DENND1A: variants seen among roughly 807,000 people sequenced by gnomAD.
DENND1A encodes the protein DENN domain containing 1A.
Under a neutral mutation model 113.7 loss-of-function variants are expected in DENND1A, and 51 were observed. That is an observed-to-expected ratio of 0.45 (90% CI 0.36 to 0.57). The LOEUF (loss-of-function observed/expected upper bound fraction) is 0.57. Among genes scored for constraint, DENND1A ranks in the 20% least tolerant of loss-of-function variants. The pLI, the probability that DENND1A is intolerant of heterozygous loss-of-function variation, is 0.00. For missense variants in DENND1A, 1,258 were observed against 1,395.9 expected, an observed-to-expected ratio of 0.90 and a Z score of 1.57; for synonymous variants, 565 against 570.8, an observed-to-expected ratio of 0.99 and a Z score of 0.14.
At position 123,860,918 on chromosome 9, in the gene DENND1A, T is replaced by C. The variant is rs188783089; in HGVS notation, c.88+18033A>G. 5.9e-5 allele frequency among the ~76,000 whole-genome samples: 9 copies of C among 152,336 alleles called. No individual in the cohort carries two copies. The East Asian group carries it at 1.5e-3, about 26-fold the overall frequency. On this transcript the variant is annotated intron_variant, in intron 2 of 23. Transcript: ENST00000394215. ...GTTTTGTGGAAAACATCAATAACAT[T>C]TACAAAAAGCTCTTAAATCTTTAGT... is the stretch of plus-strand genomic sequence containing the variant.
chr9:123,876,953 T>A (rs1847562364), intron 2 of DENND1A, among the ~76,000 whole-genome samples: 1 of 152,014 alleles, frequency 6.6e-6, no homozygotes, highest in Non-Finnish European at 1.5e-5. Context: ...AAATAGAAAG[T>A]CAAATACAGC....
At chr9:123,735,005 G>A (rs1337427383) in intron 5 of DENND1A, among the ~76,000 whole-genome samples, 1 of 152,120 alleles carries the variant, frequency 6.6e-6, no homozygotes, top group Non-Finnish European at 1.5e-5. Context: ...GATGGAGAAG[G>A]AGAAGCCAGA....
intron 21 of DENND1A, among the ~76,000 whole-genome samples, chr9:123,390,324 C>A (rs566181345): frequency 4.6e-5 from 7 of 152,380 alleles, no homozygotes; most frequent in Admixed American, 3.3e-4. Context: ...ACACTGTCCC[C>A]TTTCCCCAGA....
intron 9 of DENND1A, among the ~76,000 whole-genome samples, chr9:123,642,125 C>G (rs2062062452): frequency 6.6e-6 from 1 of 152,198 alleles, no homozygotes; most frequent in African/African-American, 2.4e-5. Flanking sequence ...TACAGAGTCT[C>G]TATGGTATCT....
intron 13 of DENND1A, among the ~76,000 whole-genome samples, chr9:123,502,451 AC>A (rs1389348937): frequency 1.3e-5 from 2 of 152,206 alleles, no homozygotes; most frequent in African/African-American, 4.8e-5. Flanking sequence ...TTAGTGATGA[AC>A]ATATGCTTAT....
At chr9:123,835,765 GT>G (rs1220681954) in intron 2 of DENND1A, among the ~76,000 whole-genome samples, 2 of 151,822 alleles carry the variant, frequency 1.3e-5, no homozygotes, top group African/African-American at 4.8e-5. Context: ...AAAAAAATTA[GT>G]AGAAAAGAAT....
At chr9:123,438,638 G>A (rs1298517287) in intron 19 of DENND1A, among the ~76,000 whole-genome samples, 4 of 151,978 alleles carry the variant, frequency 2.6e-5, no homozygotes, top group Admixed American at 1.3e-4. Context: ...AATGCTGGCA[G>A]CCACGTGAGG....
At chr9:123,489,751 A>G (rs933001332) in intron 13 of DENND1A, among the ~76,000 whole-genome samples, 1 of 152,238 alleles carries the variant, frequency 6.6e-6, no homozygotes, top group African/African-American at 2.4e-5. Context: ...ACACAGCACA[A>G]GCTGGTGTCA....
At chr9:123,471,253 C>T (rs532867497) in intron 13 of DENND1A, among the ~76,000 whole-genome samples, 7 of 152,274 alleles carry the variant, frequency 4.6e-5, no homozygotes, top group East Asian at 1.9e-4. Flanking sequence ...ATGTCTGGAA[C>T]GTGGGGCAAG....
In DENND1A at chr9:123,619,099, A is replaced by G. The variant is rs2060809472; in HGVS notation, c.720-9618T>C. 2.0e-5 allele frequency among the ~76,000 whole-genome samples: 3 copies of G among 152,218 alleles called. No individual in the cohort carries two copies. The South Asian group carries it at 6.2e-4, about 32-fold the overall frequency. On this transcript the variant is annotated intron_variant, in intron 10 of 23. Coordinates refer to ENST00000394215, the MANE Select transcript of DENND1A (RefSeq NM_001352964.2). ...GTAGCTGGGATTACAGGCACACGCC[A>G]CCACGCCCAGCTAATTTTTGCATTT...
At chr9:123,722,806 G>A (rs771756369) in intron 5 of DENND1A, among the ~76,000 whole-genome samples, 7 of 152,376 alleles carry the variant, frequency 4.6e-5, no homozygotes, top group Non-Finnish European at 7.3e-5. Flanking sequence ...TTTGCTGCAG[G>A]AGTGGGGGCC....
chr9:123,545,011 T>C (rs890717510), intron 13 of DENND1A, among the ~76,000 whole-genome samples: 14 of 151,470 alleles, frequency 9.2e-5, no homozygotes, highest in Non-Finnish European at 7.4e-5. Context: ...GGCAGGAGAA[T>C]GGCGTGAACC....
chr9:123,765,134 T>C (rs574545787), intron 4 of DENND1A, among the ~76,000 whole-genome samples: 3 of 152,164 alleles, frequency 2.0e-5, no homozygotes, highest in Admixed American at 2.0e-4. Flanking sequence ...ACAATAAATA[T>C]ATATTGCTTT....
At chr9:123,902,830 A>G (rs1434230955) in intron 1 of DENND1A, among the ~76,000 whole-genome samples, 2 of 151,470 alleles carry the variant, frequency 1.3e-5, no homozygotes, top group Admixed American at 6.6e-5. Context: ...AAAAAGGCCA[A>G]TGTAACCTTG....
chr9:123,673,696 C>T (rs1164381757), intron 6 of DENND1A, among the ~76,000 whole-genome samples: 1 of 152,190 alleles, frequency 6.6e-6, no homozygotes, highest in Non-Finnish European at 1.5e-5. Context: ...CACTTCACAT[C>T]TCTATTTATT....
chr9:123,814,956 A>G (rs1837214068), intron 2 of DENND1A, among the ~76,000 whole-genome samples: 1 of 152,266 alleles, frequency 6.6e-6, no homozygotes, highest in Admixed American at 6.5e-5. Flanking sequence ...GAGTTTAACA[A>G]TAATTCCAAT....
chr9:123,600,401 G>T (rs556758133), intron 11 of DENND1A, among the ~76,000 whole-genome samples: 13 of 152,206 alleles, frequency 8.5e-5, no homozygotes, highest in African/African-American at 3.1e-4. Context: ...TTACCAGTGA[G>T]GAGTCTGGGG....
intron 1 of DENND1A, among the ~76,000 whole-genome samples, chr9:123,907,644 GT>G: frequency 6.7e-6 from 1 of 149,930 alleles, no homozygotes; most frequent in East Asian, 2.0e-4. Context: ...TACAAGGGAT[GT>G]GAAGGACCTC....
Position 123,436,097 on chromosome 9 carries a change from T to C in DENND1A, c.1488+4263A>G, listed in dbSNP as rs2046495305. ...CACTCACTCACTCCTTCTATAGCTG[T>C]GGGAAGGAGGAGCTTCCATTTCCTA... is the stretch of plus-strand genomic sequence containing the variant. On this transcript the variant is annotated intron_variant, in intron 19 of 23. Coordinates refer to ENST00000394215, the MANE Select transcript of DENND1A (RefSeq NM_001352964.2). Among the ~76,000 whole-genome samples, 3 of 152,348 alleles carry C rather than the reference T, an allele frequency of 2.0e-5. No individual in the cohort carries two copies. The South Asian group carries it at 6.2e-4, about 32-fold the overall frequency.
Sources: gnomAD v4.1 joint callset for allele counts (sites outside exome capture counted in the v4.1 genomes callset) on GRCh38, gnomAD v4.1.1 for gene constraint, MANE v1.5 for transcripts, NCBI Gene and HGNC (gene_info 2026-07-23, HGNC 2026-07-21) for gene names.